Variants in TASOR2 observed in about 807,000 individuals in gnomAD.
TASOR2 encodes the protein protein TASOR 2.
A neutral mutation model predicts 199.5 loss-of-function variants in TASOR2; 84 were observed. The ratio of observed to expected loss-of-function variants is 0.42; its 90% CI spans 0.35 to 0.50. The LOEUF is 0.50. TASOR2 is among the 20% of genes least tolerant of loss of function. The pLI is 0.02. For missense variants in TASOR2, 2,796 were observed against 2,835.9 expected (o/e 0.99, Z 0.32); for synonymous variants, 1,103 against 1,046.6 (o/e 1.05, Z -1.04).
intron 16 of TASOR2, 151 bp downstream of exon 17, chr10:5,756,889 C>G (rs775208209): frequency 1.2e-4 from 85 of 701,870 alleles, no homozygotes; most frequent in Non-Finnish European, 1.7e-4. Flanking sequence ...TTATAGAATA[C>G]TGCAATATTA....
At position 5,748,766 on chromosome 10, in the gene TASOR2, CTTCTGT is replaced by C; in HGVS notation, c.5348_5353del (p.Ser1783_Val1784del). 6.2e-7 allele frequency: 1 copy of C among 1,614,128 alleles called. No homozygotes were observed. The highest frequency in any genetic ancestry group is 8.5e-7 in the Non-Finnish European group (1 of 1,180,022). The stretch of plus-strand genomic sequence containing the variant: ...TCCTTTGTTTCAGAATCCTTTGATA[CTTCTGT>C]TTGTGGAATAGCCACAGAGCACGTA... On this transcript the variant is annotated inframe_deletion, in exon 15 of 21. Coordinates refer to ENST00000328090, the Ensembl canonical transcript of TASOR2. The surrounding 1 kb of genome is among the most constrained non-coding windows in gnomAD (Gnocchi z 5.1).
In TASOR2 at chr10:5,756,741, C is replaced by A; in HGVS notation, c.6732+3C>A. 1.2e-6 allele frequency: 2 copies of A among 1,610,822 alleles called. No individual in the cohort carries two copies. Among genetic ancestry groups the A allele is most frequent in the South Asian group, 2.2e-5 (2 of 90,654 alleles). ...ATATATCATCACATTTGCATCAGGT[C>A]GGTTGGAAATACCTTACAAAGAAAC... is the stretch of plus-strand genomic sequence containing the variant. On this transcript the variant is annotated splice_donor_region_variant and intron_variant, in intron 16 of 20. Transcript: ENST00000328090.
intron 11 of TASOR2, 41 bp downstream of exon 12, chr10:5,731,244 T>G: frequency 6.4e-7 from 1 of 1,562,752 alleles, no homozygotes; most frequent in Non-Finnish European, 8.6e-7. Context: ...TAATAATAGT[T>G]GTGGCCAGGC....
intron 12 of TASOR2, 128 bp downstream of exon 13, chr10:5,735,674 C>G (rs1835472408): frequency 8.2e-7 from 1 of 1,215,828 alleles, no homozygotes. Flanking sequence ...TTTTTCAGTT[C>G]AGACATTAAA....
rs138160820 is a variant in TASOR2 at position 5,748,275 on chromosome 10, C to G, written c.4854C>G (p.Leu1618=). 31 of 1,614,230 alleles carry G rather than the reference C, an allele frequency of 1.9e-5. No individual in the cohort carries two copies. The East Asian group carries it at 6.7e-4, about 35-fold the overall frequency. ...GCCCTAAAAGCAGTCAGAACCATCT[C>G]TTTCCCGGTGATTTGAAAACAGATG... is the stretch of plus-strand genomic sequence containing the variant. The change falls in exon 15 of 21, where the codon CTC becomes CTG. Residue 1618 remains leucine (L), a synonymous_variant. Transcript: ENST00000328090. This position sits in a 1 kb window ranked among gnomAD's most constrained non-coding sequence, Gnocchi z 5.1.
At chr10:5,707,701 CAT>C (rs1465432684) in intron 1 of TASOR2, among the ~76,000 whole-genome samples, 7 of 149,854 alleles carry the variant, frequency 4.7e-5, no homozygotes, top group South Asian at 2.1e-4. Context: ...CACACACACA[CAT>C]ACTCACTCTC....
chr10:5,741,700 T>C (rs936985442), intron 13 of TASOR2, among the ~76,000 whole-genome samples: 23 of 152,224 alleles, frequency 1.5e-4, no homozygotes, highest in African/African-American at 5.3e-4. Context: ...GGAAAATAAA[T>C]GAATCAGCCA....
chr10:5,726,899 C>T (rs1203853003), exon 9 of TASOR2: 2 of 1,613,682 alleles, frequency 1.2e-6, no homozygotes, highest in Admixed American at 1.7e-5. Context: ...TCATCAAATG[C>T]TTAGAAGATC....
At chr10:5,692,840 T>G (rs1055588946) in intron 1 of TASOR2, 17 of 152,194 alleles carry the variant, frequency 1.1e-4, no homozygotes, top group African/African-American at 4.1e-4. Context: ...TCTGGCGCAC[T>G]GGCCTTGGCT....
intron 1 of TASOR2, among the ~76,000 whole-genome samples, chr10:5,697,539 A>G (rs552932327): frequency 2.0e-5 from 3 of 152,174 alleles, no homozygotes; most frequent in Admixed American, 6.5e-5. Flanking sequence ...TGGGGGAGGC[A>G]GAGATCTTAG....
chr10:5,717,707 A>G (rs1832831047), exon 3 of TASOR2: 2 of 1,224,752 alleles, frequency 1.6e-6, no homozygotes, highest in Non-Finnish European at 2.0e-6. Context: ...AGACCATGGT[A>G]TCATGGGAAA....
rs748318124 is a variant in TASOR2, at chr10:5,710,664, GCCTA to G, written c.-287-2154_-287-2151del. On this transcript the variant is annotated intron_variant, in intron 1 of 20. Coordinates refer to ENST00000328090, the Ensembl canonical transcript of TASOR2. The surrounding 1 kb of genome is among the most constrained non-coding windows in gnomAD (Gnocchi z 4.6). ...GAGGACGTATGTAACTTAAATCTGT[GCCTA>G]CCTATTAATGACTTACAGAATTTAG... Among the ~76,000 whole-genome samples, 1 of 152,018 alleles carries G rather than the reference GCCTA, an allele frequency of 6.6e-6. No homozygotes were observed. Among genetic ancestry groups the G allele is most frequent in the Non-Finnish European group, 1.5e-5 (1 of 67,930 alleles).
exon 13 of TASOR2, chr10:5,739,917 G>A (rs1312214775): frequency 6.2e-7 from 1 of 1,614,146 alleles, no homozygotes. Context: ...ATCTGACCAT[G>A]AATATCATAG....
chr10:5,763,326 T>C (rs1400387207), exon 21 of TASOR2: 1 of 308,258 alleles, frequency 3.2e-6, no homozygotes, highest in Non-Finnish European at 5.9e-6. Context: ...ACATGTTTAC[T>C]TAGTTGGAGC....
rs189348350 is a variant in TASOR2, at chr10:5,756,487, A to G, written c.6607-126A>G. On this transcript the variant is annotated intron_variant, in intron 15 of 20. Transcript: ENST00000328090. ...ATATATAAAAGGTGCTTATTTAGTA[A>G]TAAGACAAATTGTCATTTATGGTTG... 8 of 841,446 alleles carry G rather than the reference A, an allele frequency of 9.5e-6. No homozygotes were observed. The East Asian group carries it at 2.3e-4, about 24-fold the overall frequency. 52.1% of individuals were successfully genotyped at this position (841,446 alleles called of 1,614,324 possible). A position where few individuals can be genotyped will look rare whatever the true frequency, so the allele number is the denominator to read the frequency against.
chr10:5,715,010 A>C (rs994514798), intron 2 of TASOR2, among the ~76,000 whole-genome samples: 1 of 152,112 alleles, frequency 6.6e-6, no homozygotes, highest in African/African-American at 2.4e-5. Context: ...TTGGGTCATT[A>C]ATGGGACCAG....
chr10:5,747,488 A>G (rs759845141), exon 15 of TASOR2: 3 of 1,614,080 alleles, frequency 1.9e-6, no homozygotes, highest in Non-Finnish European at 2.5e-6. Flanking sequence ...CCAGTAGAAA[A>G]TAAGGAGAGA....
rs1836183446 is a variant in TASOR2 at position 5,740,082 on chromosome 10, A to G, written c.1912A>G (p.Met638Val). 1 of 1,614,102 alleles carries G rather than the reference A, an allele frequency of 6.2e-7. No homozygotes were observed. The highest frequency in any genetic ancestry group is 8.5e-7 in the Non-Finnish European group (1 of 1,180,038). ...AGCCCAGTCAGCACTTACTGAGGAAATGCTAGAATCTTCAGATGCAAGCCA... is the reference window on the plus strand; with the variant it reads ...AGCCCAGTCAGCACTTACTGAGGAAGTGCTAGAATCTTCAGATGCAAGCCA... Residue 638 changes from methionine (M) to valine (V), a missense_variant, in exon 13 of 21, where the codon ATG (methionine) becomes GTG (valine). By Grantham distance (21) the Met-to-Val change is conservative (BLOSUM62 1). Transcript: ENST00000328090. This position sits in a 1 kb window ranked among gnomAD's most constrained non-coding sequence, Gnocchi z 5.3.
In TASOR2 at chr10:5,737,076, C is replaced by T. The variant is rs1036048612; in HGVS notation, c.1447+1530C>T. Among the ~76,000 whole-genome samples, 10 of 152,182 alleles carry T rather than the reference C, an allele frequency of 6.6e-5. No individual in the cohort carries two copies. Among genetic ancestry groups the T allele is most frequent in the Admixed American group, 3.9e-4 (6 of 15,286 alleles). On this transcript the variant is annotated intron_variant, in intron 12 of 20. Coordinates refer to ENST00000328090, the Ensembl canonical transcript of TASOR2. This position sits in a 1 kb window ranked among gnomAD's most constrained non-coding sequence, Gnocchi z 4.9. The stretch of plus-strand genomic sequence containing the variant: ...CCAGGTTCAAGCAGTTTTCCTGCCT[C>T]AGTCTCCCGAGTAGCTAGGACTACA...
Sources: allele counts gnomAD v4.1 joint callset (sites outside exome capture counted in the v4.1 genomes callset), GRCh38; gene constraint gnomAD v4.1.1; non-coding constraint Gnocchi (gnomAD v3.1); transcripts MANE v1.5; gene names NCBI Gene and HGNC (gene_info 2026-07-23, HGNC 2026-07-21).